The following IP6K3 variants were observed in gnomAD, a reference collection of about 807,000 sequenced individuals.
The protein encoded by IP6K3 is inositol hexakisphosphate kinase 3.
IP6K3 carries 20 observed loss-of-function variants against 28.8 expected under a neutral mutation model. That is an observed-to-expected ratio of 0.70 (90% confidence interval 0.49 to 1.01). The LOEUF (loss-of-function observed/expected upper bound fraction) is 1.01. IP6K3 is among the 50% of genes least tolerant of loss of function. The pLI is 0.00. For missense variants in IP6K3, 480 were observed against 537.1 expected (o/e 0.89, Z 1.05); for synonymous variants, 213 against 221.3 (o/e 0.96, Z 0.33).
chr6:33,736,254 G>A (rs1766520514), intron 1 of IP6K3, among the ~76,000 whole-genome samples: 1 of 152,196 alleles, frequency 6.6e-6, no homozygotes. Context: ...CTAGAGTGCA[G>A]AGACTGTATC....
At chr6:33,738,080 G>C (rs1561908270) in intron 1 of IP6K3, among the ~76,000 whole-genome samples, 1 of 152,260 alleles carries the variant, frequency 6.6e-6, no homozygotes, top group Non-Finnish European at 1.5e-5. Context: ...GAGTAGAGCA[G>C]AGAAGCCAAG....
intron 2 of IP6K3, among the ~76,000 whole-genome samples, chr6:33,729,577 T>G (rs950539157): frequency 6.6e-6 from 1 of 152,236 alleles, no homozygotes; most frequent in African/African-American, 2.4e-5. Context: ...GTTCATACCC[T>G]GCTGTGTTCC....
At position 33,742,639 on chromosome 6, in the gene IP6K3, T is replaced by C. The variant is rs142500654; in HGVS notation, c.-180+4119A>G. ...AGGCACGATAATTCTCAAATGTATG[T>C]AAATATGTTGGTAATTAACAAAATA... On this transcript the variant is annotated intron_variant, in intron 1 of 5. Coordinates refer to ENST00000293756, the MANE Select transcript of IP6K3 (RefSeq NM_054111.5). The surrounding 1 kb of genome is among the most constrained non-coding windows in gnomAD (Gnocchi z 4.5). Among the ~76,000 whole-genome samples the C allele has an allele frequency of 1.6e-3, 241 of 152,334 alleles. No homozygotes were observed. Among genetic ancestry groups the C allele is most frequent in the African/African-American group, 5.7e-3 (235 of 41,570 alleles).
chr6:33,723,154 T>C lies in IP6K3; in HGVS notation c.799A>G (p.Lys267Glu). ...YQTDKKYFLC[K>E]DKYYGRKLSV... ...AGTTTTCTTCCATAGTACTTGTCTTTGCAGAGAAAGTACTTCTTATCTGTT... is the reference window on the plus strand; with the variant it reads ...AGTTTTCTTCCATAGTACTTGTCTTCGCAGAGAAAGTACTTCTTATCTGTT... Residue 267 changes from lysine (K) to glutamate (E), a missense_variant, in exon 6 of 6, where the codon AAA becomes GAA. Coordinates refer to ENST00000293756, the MANE Select transcript of IP6K3 (RefSeq NM_054111.5). 1 of 1,598,816 alleles carries C rather than the reference T, an allele frequency of 6.3e-7. No individual in the cohort carries two copies. The highest frequency in any genetic ancestry group is 1.1e-5 in the South Asian group (1 of 88,656).
intron 1 of IP6K3, among the ~76,000 whole-genome samples, chr6:33,737,181 C>A (rs1766556671): frequency 6.6e-6 from 1 of 152,162 alleles, no homozygotes; most frequent in South Asian, 2.1e-4. Context: ...GGGTCTCAGG[C>A]AAAAGCTGGC....
intron 4 of IP6K3, 89 bp from the exon 5 acceptor site, chr6:33,725,705 AATTCCCT>A: frequency 8.2e-7 from 1 of 1,225,070 alleles, no homozygotes. Flanking sequence ...GCTGCCTGGA[AATTCCCT>A]ATTCTGGGCA....
chr6:33,744,181 C>T lies in IP6K3; in HGVS notation c.-180+2577G>A, dbSNP rs566317529. Among the ~76,000 whole-genome samples, 1 of 152,302 alleles carries T rather than the reference C, an allele frequency of 6.6e-6. No individual in the cohort carries two copies. The highest frequency in any genetic ancestry group is 2.1e-4 in the South Asian group (1 of 4,828). ...CCATGGTTAGCAACTGCTTTGACAGCCCCTCCCAGCCATGCTTTTCTCCTC... is the reference window on the plus strand; with the variant it reads ...CCATGGTTAGCAACTGCTTTGACAGTCCCTCCCAGCCATGCTTTTCTCCTC... On this transcript the variant is annotated intron_variant, in intron 1 of 5. Coordinates refer to ENST00000293756, the MANE Select transcript of IP6K3 (RefSeq NM_054111.5). The surrounding 1 kb of genome is among the most constrained non-coding windows in gnomAD (Gnocchi z 4.4).
chr6:33,726,687 C>A, intron 4 of IP6K3, 44 bp downstream of exon 4: 1 of 1,513,002 alleles, frequency 6.6e-7, no homozygotes, highest in South Asian at 1.3e-5. Flanking sequence ...GTCTCTCTGT[C>A]GCCCCGCCCT....
the IP6K3 span, among the ~76,000 whole-genome samples, chr6:33,752,722 T>C: frequency 6.6e-6 from 1 of 152,186 alleles, no homozygotes; most frequent in South Asian, 2.1e-4. Flanking sequence ...GGCTGGACTG[T>C]GGATGTGGAC....
intron 2 of IP6K3, among the ~76,000 whole-genome samples, chr6:33,734,261 A>C (rs1766428963): frequency 6.7e-6 from 1 of 150,208 alleles, no homozygotes; most frequent in African/African-American, 2.5e-5. Context: ...ACCCCAGGGG[A>C]TTCTGATTCA....
chr6:33,760,416 C>T, the IP6K3 span, among the ~76,000 whole-genome samples: 232 of 152,270 alleles, frequency 1.5e-3, 2 homozygotes, highest in East Asian at 0.012. Context: ...CACATGTTGA[C>T]GTGTATGTGA....
At position 33,722,196 on chromosome 6, in the gene IP6K3, C is replaced by CGGTGG; in HGVS notation, c.*523_*524insCCACC. On this transcript the variant is annotated 3_prime_UTR_variant, in exon 6 of 6. Transcript: ENST00000293756. ...CAGAGCAGATGAGATGGGTAGATCT[C>CGGTGG]TTCTGCTTCATCCTGTGTCACCTAA... The CGGTGG allele has an allele frequency of 6.5e-6, 1 of 153,950 alleles. No homozygotes were observed. The highest frequency in any genetic ancestry group is 1.4e-5 in the Non-Finnish European group (1 of 69,122). The allele number at this position is 153,950 out of a possible 1,614,324, so 9.5% of individuals were successfully genotyped here. A position where few individuals can be genotyped will look rare whatever the true frequency, so the allele number is the denominator to read the frequency against.
chr6:33,752,436 G>A, the IP6K3 span, among the ~76,000 whole-genome samples: 80 of 152,358 alleles, frequency 5.3e-4, 2 homozygotes, highest in Admixed American at 1.5e-3. Context: ...TCTCCCCAGG[G>A]CATGCCTGAG....
chr6:33,727,076 G>A (rs890457722), intron 3 of IP6K3, among the ~76,000 whole-genome samples, 170 bp from the exon 4 acceptor site: 1 of 152,162 alleles, frequency 6.6e-6, no homozygotes, highest in Admixed American at 6.5e-5. Context: ...CCGGTTCTAG[G>A]GCCAGATTTC....
rs373120569 is a variant in IP6K3 at position 33,736,323 on chromosome 6, A to G, written c.-179-668T>C. Reference sequence around the variant, plus strand: ...TGGAACACTCATCCCAGGCCCAACAAGAAGCAAGCTGAGCCACTGCTGCTG... The same window carrying G: ...TGGAACACTCATCCCAGGCCCAACAGGAAGCAAGCTGAGCCACTGCTGCTG... On this transcript the variant is annotated intron_variant, in intron 1 of 5. Coordinates refer to ENST00000293756, the MANE Select transcript of IP6K3 (RefSeq NM_054111.5). Among the ~76,000 whole-genome samples the G allele has an allele frequency of 9.2e-5, 14 of 152,312 alleles. No individual in the cohort carries two copies. The East Asian group carries it at 1.5e-3, about 17-fold the overall frequency.
At chr6:33,761,801 G>T in the IP6K3 span, among the ~76,000 whole-genome samples, 19 of 152,046 alleles carry the variant, frequency 1.2e-4, no homozygotes, top group Admixed American at 1.1e-3. Context: ...CTGGGATGAG[G>T]GTCTGGGGAC....
intron 2 of IP6K3, among the ~76,000 whole-genome samples, chr6:33,732,204 G>A (rs1339200781): frequency 2.6e-5 from 4 of 152,194 alleles, no homozygotes; most frequent in Admixed American, 6.5e-5. Flanking sequence ...TCATGCCTGC[G>A]GAGCCCAGCA....
rs575995920 is a variant in IP6K3 at position 33,744,624 on chromosome 6, A to C, written c.-180+2134T>G. On this transcript the variant is annotated intron_variant, in intron 1 of 5. Coordinates refer to ENST00000293756, the MANE Select transcript of IP6K3 (RefSeq NM_054111.5). This position sits in a 1 kb window ranked among gnomAD's most constrained non-coding sequence, Gnocchi z 4.4. ...CAAATGCCTGAGAGGGATTAACTGG[A>C]AACTAAAGCCAGCACCCACCTCCTC... Among the ~76,000 whole-genome samples the C allele has an allele frequency of 1.3e-5, 2 of 152,234 alleles. No individual in the cohort carries two copies. The highest frequency in any genetic ancestry group is 4.1e-4 in the South Asian group (2 of 4,826).
At chr6:33,733,745 C>T (rs914918014) in intron 2 of IP6K3, among the ~76,000 whole-genome samples, 1 of 152,244 alleles carries the variant, frequency 6.6e-6, no homozygotes, top group South Asian at 2.1e-4. Context: ...GGACCATCTT[C>T]CCCTGTCTCT....
Sources: allele counts gnomAD v4.1 joint callset (sites outside exome capture counted in the v4.1 genomes callset), GRCh38; gene constraint gnomAD v4.1.1; non-coding constraint Gnocchi (gnomAD v3.1); transcripts MANE v1.5; gene names NCBI Gene and HGNC (gene_info 2026-07-23, HGNC 2026-07-21).